GABRA4: variants seen among roughly 807,000 people sequenced by gnomAD.
GABRA4 encodes the protein gamma-aminobutyric acid receptor subunit alpha-4.
GABRA4 carries 12 observed loss-of-function variants against 49.7 expected under a neutral mutation model. The observed-to-expected ratio is 0.24, with a 90% CI of 0.15 to 0.39. The LOEUF is 0.39. Among genes scored for constraint, GABRA4 ranks in the 10% least tolerant of loss-of-function variants. The pLI is 1.00. For missense variants in GABRA4, 506 were observed against 686.0 expected (o/e 0.74, Z 2.93); for synonymous variants, 288 against 240.2 (o/e 1.20, Z -1.84).
rs550039690 is a variant in GABRA4, at chr4:46,923,680, C to A, written c.*4545G>T. The A allele has an allele frequency of 6.6e-6, 1 of 152,070 alleles. No homozygotes were observed. The highest frequency in any genetic ancestry group is 6.6e-5 in the Admixed American group (1 of 15,240). The allele number at this position is 152,070 out of a possible 1,614,324, so 9.4% of individuals were successfully genotyped here. On this transcript the variant is annotated 3_prime_UTR_variant, in exon 9 of 9. Transcript: ENST00000264318. ...CCTCTAGATTTGTGGCCCTCCAAAC[C>A]ATAGTTCACACAATAATCAGGTGCT...
chr4:46,924,088 C>T lies in GABRA4; in HGVS notation c.*4137G>A, dbSNP rs1308106028. 4 of 152,128 alleles carry T rather than the reference C, an allele frequency of 2.6e-5. No homozygotes were observed. Among genetic ancestry groups the T allele is most frequent in the African/African-American group, 7.2e-5 (3 of 41,440 alleles). The allele number at this position is 152,128 out of a possible 1,614,324, so 9.4% of individuals were successfully genotyped here. A position where few individuals can be genotyped will look rare whatever the true frequency, so the allele number is the denominator to read the frequency against. On this transcript the variant is annotated 3_prime_UTR_variant, in exon 9 of 9. Coordinates refer to ENST00000264318, the MANE Select transcript of GABRA4 (RefSeq NM_000809.4). ...GATTATATCTGTGAAACCTTCTCTG[C>T]TATCACTCTTGTTCCTCTCCTTCAA...
chr4:46,977,302 G>A (rs1459471944), intron 4 of GABRA4, 108 bp downstream of exon 4: 1 of 404,752 alleles, frequency 2.5e-6, no homozygotes, highest in Non-Finnish European at 4.5e-6. Flanking sequence ...GGAAGGGAGG[G>A]AGGAAGGGAG....
Position 46,974,339 on chromosome 4 carries a change from G to T in GABRA4, c.614C>A (p.Thr205Lys), listed in dbSNP as rs778574043. Reference protein sequence around the residue: ...YPKSEMIYTWTKGPEKSVEVP... With the variant: ...YPKSEMIYTWKKGPEKSVEVP... ...TTCAACTGATTTCTCAGGACCTTTT[G>T]TCCAGGTATAGATCATCTCACTCTT... Residue 205 changes from threonine to lysine, a missense_variant, in exon 6 of 9, where the codon ACA becomes AAA. Around this residue, in one of 5 missense-constraint regions of GABRA4, gnomAD observed 195 missense variants for 326.0 expected, o/e 0.60. Coordinates refer to ENST00000264318, the MANE Select transcript of GABRA4 (RefSeq NM_000809.4). 2.5e-6 allele frequency: 4 copies of T among 1,611,544 alleles called. No homozygotes were observed. The highest frequency in any genetic ancestry group is 1.1e-5 in the South Asian group (1 of 90,948).
chr4:46,931,635 G>A (rs1435466883), intron 8 of GABRA4, among the ~76,000 whole-genome samples: 2 of 152,054 alleles, frequency 1.3e-5, no homozygotes, highest in Non-Finnish European at 2.9e-5. Context: ...TCCTAAGCTG[G>A]CTAATGACTT....
At chr4:46,972,340 T>C (rs1577783257) in intron 6 of GABRA4, among the ~76,000 whole-genome samples, 1 of 151,638 alleles carries the variant, frequency 6.6e-6, no homozygotes, top group African/African-American at 2.4e-5. Flanking sequence ...GAAGAGACAG[T>C]GGGCTAAATT....
chr4:46,946,557 G>A (rs927557005), intron 8 of GABRA4, among the ~76,000 whole-genome samples: 1 of 152,090 alleles, frequency 6.6e-6, no homozygotes, highest in Non-Finnish European at 1.5e-5. Context: ...GGACTCCACT[G>A]TGGGGCTAAG....
chr4:46,931,616 G>A (rs1355719502), intron 8 of GABRA4, among the ~76,000 whole-genome samples: 4 of 152,094 alleles, frequency 2.6e-5, no homozygotes, highest in Non-Finnish European at 5.9e-5. Context: ...CAGAGTTGGA[G>A]TCTATTTTTC....
intron 8 of GABRA4, among the ~76,000 whole-genome samples, chr4:46,956,920 A>C (rs1006803666): frequency 8.5e-5 from 13 of 152,058 alleles, no homozygotes; most frequent in Non-Finnish European, 5.9e-5. Context: ...GCTATAATTC[A>C]TTTTATTAAT....
chr4:46,972,658 A>G (rs1432256814), intron 6 of GABRA4, among the ~76,000 whole-genome samples: 1 of 151,620 alleles, frequency 6.6e-6, no homozygotes, highest in Non-Finnish European at 1.5e-5. Flanking sequence ...ACAATACAGT[A>G]CTGTTCACTA....
chr4:46,948,760 T>C (rs965063635), intron 8 of GABRA4, among the ~76,000 whole-genome samples: 2 of 152,044 alleles, frequency 1.3e-5, no homozygotes, highest in Non-Finnish European at 2.9e-5. Flanking sequence ...TAAGGTATCT[T>C]TGATGACTGC....
intron 8 of GABRA4, among the ~76,000 whole-genome samples, chr4:46,941,492 G>T (rs1254607567): frequency 6.6e-6 from 1 of 152,020 alleles, no homozygotes. Context: ...CTAGCATATA[G>T]TAAATGATCA....
rs1395653198 is a variant in GABRA4, at chr4:46,927,661, C to T, written c.*564G>A. 6.6e-6 allele frequency: 1 copy of T among 152,484 alleles called. No homozygotes were observed. The highest frequency in any genetic ancestry group is 1.5e-5 in the Non-Finnish European group (1 of 68,092). 9.4% of individuals were successfully genotyped at this position (152,484 alleles called of 1,614,324 possible). A position where few individuals can be genotyped will look rare whatever the true frequency, so the allele number is the denominator to read the frequency against. ...ACATAAGAAAGGGAAGATATTTCCTCTGGTCTTTGTCTTAGTTTTTTATGC... is the reference window on the plus strand; with the variant it reads ...ACATAAGAAAGGGAAGATATTTCCTTTGGTCTTTGTCTTAGTTTTTTATGC... On this transcript the variant is annotated 3_prime_UTR_variant, in exon 9 of 9. Transcript: ENST00000264318.
At chr4:46,958,228 C>T (rs1722435419) in intron 8 of GABRA4, among the ~76,000 whole-genome samples, 1 of 151,868 alleles carries the variant, frequency 6.6e-6, no homozygotes, top group South Asian at 2.1e-4. Context: ...CTGCAAACCT[C>T]AGCTTCTTCA....
chr4:46,943,336 T>G (rs1464136729), intron 8 of GABRA4, among the ~76,000 whole-genome samples: 1 of 152,114 alleles, frequency 6.6e-6, no homozygotes, highest in Non-Finnish European at 1.5e-5. Flanking sequence ...TTTCTCAGTA[T>G]TTTTCTAATC....
chr4:46,937,720 A>C (rs1163350649), intron 8 of GABRA4, among the ~76,000 whole-genome samples: 1 of 152,198 alleles, frequency 6.6e-6, no homozygotes, highest in Non-Finnish European at 1.5e-5. Flanking sequence ...TAATTTGGTC[A>C]AAATTGCCTA....
rs1000462711 is a variant in GABRA4, at chr4:46,923,774, C to T, written c.*4451G>A. The stretch of plus-strand genomic sequence containing the variant: ...ATTCTTCAAGATTTTTAATAAATTG[C>T]CACTAATCCTGATCAAATTCCATTC... On this transcript the variant is annotated 3_prime_UTR_variant, in exon 9 of 9. Transcript: ENST00000264318. 1.3e-5 allele frequency: 2 copies of T among 152,028 alleles called. No homozygotes were observed. Among genetic ancestry groups the T allele is most frequent in the Admixed American group, 1.3e-4 (2 of 15,234 alleles). 9.4% of individuals were successfully genotyped at this position (152,028 alleles called of 1,614,324 possible).
intron 8 of GABRA4, among the ~76,000 whole-genome samples, chr4:46,960,760 A>G (rs1722546139): frequency 6.6e-6 from 1 of 151,704 alleles, no homozygotes; most frequent in Non-Finnish European, 1.5e-5. Flanking sequence ...AGAAAAATTT[A>G]TTATTTAAAT....
At chr4:46,979,606 C>T (rs540838106) in intron 2 of GABRA4, among the ~76,000 whole-genome samples, 111 of 152,184 alleles carry the variant, frequency 7.3e-4, no homozygotes, top group Non-Finnish European at 1.4e-3. Flanking sequence ...CCATCCACTG[C>T]TGATTGGGAT....
chr4:46,946,153 T>C (rs1008778940), intron 8 of GABRA4, among the ~76,000 whole-genome samples: 1 of 152,170 alleles, frequency 6.6e-6, no homozygotes, highest in African/African-American at 2.4e-5. Context: ...ACTGGCTATA[T>C]CATTCTCCTG....
Sources: allele counts gnomAD v4.1 joint callset (sites outside exome capture counted in the v4.1 genomes callset), GRCh38; gene constraint gnomAD v4.1.1; regional missense constraint gnomAD v4.1.1; transcripts MANE v1.5; gene names NCBI Gene and HGNC (gene_info 2026-07-23, HGNC 2026-07-21).